Variants in MRPL3 observed in about 807,000 individuals in gnomAD.
The protein encoded by MRPL3 is large ribosomal subunit protein uL3m.
Under a neutral mutation model 44.3 loss-of-function variants are expected in MRPL3, and 43 were observed. The observed-to-expected ratio is 0.97, with a 90% CI of 0.76 to 1.25. MRPL3 has a LOEUF of 1.25. Ranked by LOEUF, MRPL3 falls within the 50% of genes most tolerant of loss-of-function variation. The probability of loss-of-function intolerance (pLI) is 0.00; values close to 1 mark genes in which losing one functional copy is unlikely to be tolerated. For missense variants in MRPL3, 406 were observed against 427.6 expected (o/e 0.95, Z 0.45); for synonymous variants, 171 against 152.3 (o/e 1.12, Z -0.91).
At chr3:131,490,358 TAG>T (rs752121495) in intron 4 of MRPL3, among the ~76,000 whole-genome samples, 2 of 152,116 alleles carry the variant, frequency 1.3e-5, no homozygotes, top group Non-Finnish European at 2.9e-5. Flanking sequence ...TGCAGGAAAA[TAG>T]AGAGTTGTGC....
chr3:131,502,001 G>C, intron 1 of MRPL3: 1 of 1,160,434 alleles, frequency 8.6e-7, no homozygotes, highest in Admixed American at 2.3e-5. Flanking sequence ...GACATGAAAA[G>C]CCACTAACCC....
At chr3:131,493,878 TAAC>T (rs1343277478) in intron 4 of MRPL3, among the ~76,000 whole-genome samples, 1 of 152,206 alleles carries the variant, frequency 6.6e-6, no homozygotes, top group Non-Finnish European at 1.5e-5. Context: ...ACACTGATAA[TAAC>T]AAAGTATCCT....
chr3:131,502,053 G>A (rs780002466), intron 1 of MRPL3: 8 of 676,450 alleles, frequency 1.2e-5, no homozygotes, highest in Non-Finnish European at 1.5e-5. Flanking sequence ...CAGTGGAGGT[G>A]GCAGAAGGTG....
chr3:131,477,488 T>A (rs1933879334), intron 6 of MRPL3, among the ~76,000 whole-genome samples: 2 of 152,236 alleles, frequency 1.3e-5, no homozygotes, highest in South Asian at 4.1e-4. Flanking sequence ...CAAATCCAAG[T>A]CTTTTACTAA....
intron 4 of MRPL3, among the ~76,000 whole-genome samples, chr3:131,492,094 T>C (rs1193101356): frequency 6.6e-6 from 1 of 152,208 alleles, no homozygotes; most frequent in Non-Finnish European, 1.5e-5. Flanking sequence ...GCCATATTTT[T>C]GCATGACTGG....
intron 4 of MRPL3, among the ~76,000 whole-genome samples, chr3:131,490,812 T>C (rs1378463134): frequency 2.0e-5 from 3 of 152,218 alleles, no homozygotes; most frequent in South Asian, 2.1e-4. Context: ...TGCTTAGAGA[T>C]TGTAATTTCA....
At chr3:131,495,173 T>C (rs72997236) in intron 4 of MRPL3, among the ~76,000 whole-genome samples, 21,360 of 152,174 alleles carry the variant, frequency 0.14, 1,635 homozygotes, top group Middle Eastern at 0.2. Context: ...TTTAGATATA[T>C]GAAATTTTAT....
At chr3:131,492,832 T>C (rs1053994383) in intron 4 of MRPL3, among the ~76,000 whole-genome samples, 1 of 152,194 alleles carries the variant, frequency 6.6e-6, no homozygotes, top group African/African-American at 2.4e-5. Flanking sequence ...TCTCCACTCC[T>C]GCCTTCTGTC....
intron 6 of MRPL3, among the ~76,000 whole-genome samples, chr3:131,478,681 C>T (rs1933909353): frequency 6.6e-6 from 1 of 150,714 alleles, no homozygotes; most frequent in Non-Finnish European, 1.5e-5. Context: ...TATTCAATAT[C>T]AAGTTGCATC....
intron 6 of MRPL3, among the ~76,000 whole-genome samples, chr3:131,484,349 T>TG (rs975107670): frequency 2.6e-5 from 4 of 152,108 alleles, no homozygotes; most frequent in Non-Finnish European, 5.9e-5. Flanking sequence ...GTTCCGTGGG[T>TG]GGGGTCCATC....
At chr3:131,497,072 C>G (rs1045000806) in intron 4 of MRPL3, among the ~76,000 whole-genome samples, 1 of 152,204 alleles carries the variant, frequency 6.6e-6, no homozygotes, top group Non-Finnish European at 1.5e-5. Flanking sequence ...GGGATTTTCC[C>G]TGGCAGAATT....
chr3:131,476,202 T>A (rs1341878711), intron 6 of MRPL3, among the ~76,000 whole-genome samples: 4 of 152,340 alleles, frequency 2.6e-5, no homozygotes, highest in Non-Finnish European at 5.9e-5. Flanking sequence ...GAATACATCA[T>A]GTAGTTATAC....
intron 6 of MRPL3, chr3:131,487,445 T>C (rs1351789367): frequency 2.0e-5 from 8 of 403,846 alleles, no homozygotes; most frequent in Non-Finnish European, 3.6e-5. Context: ...ACTTAAAGTA[T>C]AATAAAAAAA....
chr3:131,465,798 G>A (rs2110693438), intron 9 of MRPL3, among the ~76,000 whole-genome samples: 1 of 152,008 alleles, frequency 6.6e-6, no homozygotes, highest in Admixed American at 6.5e-5. Context: ...GCCTTACTTG[G>A]GGACTAGAAA....
chr3:131,482,826 C>G (rs185713825), intron 6 of MRPL3, among the ~76,000 whole-genome samples: 1 of 152,210 alleles, frequency 6.6e-6, no homozygotes, highest in East Asian at 1.9e-4. Flanking sequence ...ATTCAAAGTT[C>G]AACAAGACAC....
intron 6 of MRPL3, among the ~76,000 whole-genome samples, chr3:131,473,160 C>T (rs1400358632): frequency 6.6e-6 from 1 of 152,056 alleles, no homozygotes; most frequent in African/African-American, 2.4e-5. Context: ...GACTTCAAAA[C>T]ATACTACACA....
intron 9 of MRPL3, among the ~76,000 whole-genome samples, chr3:131,463,535 A>C (rs985103455): frequency 6.6e-6 from 1 of 152,126 alleles, no homozygotes; most frequent in African/African-American, 2.4e-5. Context: ...TTCTGCTTAT[A>C]GGTGTGAGCA....
intron 8 of MRPL3, among the ~76,000 whole-genome samples, chr3:131,468,705 T>C (rs1933675803): frequency 6.6e-6 from 1 of 152,070 alleles, no homozygotes; most frequent in Non-Finnish European, 1.5e-5. Flanking sequence ...TCCTATCTAA[T>C]AATGAATAAG....
At chr3:131,486,364 CAAAAAAAAAAAAAAA>C (rs36151946) in intron 6 of MRPL3, among the ~76,000 whole-genome samples, 1 of 46,690 alleles carries the variant, frequency 2.1e-5, no homozygotes, top group African/African-American at 9.1e-5. Context: ...TTCTGCACGG[CAAAAAAAAAAAAAAA>C]AAAAAAAAAA....
Sources: allele counts gnomAD v4.1 joint callset (sites outside exome capture counted in the v4.1 genomes callset), GRCh38; gene constraint gnomAD v4.1.1; transcripts MANE v1.5; gene names NCBI Gene and HGNC (gene_info 2026-07-23, HGNC 2026-07-21).